HAUS6: variants seen among roughly 807,000 people sequenced by gnomAD.
HAUS6 encodes HAUS augmin-like complex subunit 6.
In HAUS6, 80 loss-of-function variants were observed where a neutral mutation model predicts 106.8. The ratio of observed to expected loss-of-function variants is 0.75; its 90% CI spans 0.63 to 0.90. The LOEUF (loss-of-function observed/expected upper bound fraction) is 0.90. Ranked by LOEUF, HAUS6 falls within the 40% of genes least tolerant of loss-of-function variation. The pLI, the probability that HAUS6 is intolerant of heterozygous loss-of-function variation, is 0.00. For missense variants in HAUS6, 1,155 were observed against 1,118.1 expected (o/e 1.03, Z -0.47); for synonymous variants, 356 against 379.1 (o/e 0.94, Z 0.71).
At chr9:19,097,336 T>C (rs1220848667) in intron 1 of HAUS6, among the ~76,000 whole-genome samples, 4 of 152,136 alleles carry the variant, frequency 2.6e-5, no homozygotes, top group African/African-American at 4.8e-5. Flanking sequence ...GGAGAAAATT[T>C]TGCAACCTAC....
chr9:19,099,927 C>T (rs548245301), intron 1 of HAUS6, among the ~76,000 whole-genome samples: 1 of 152,340 alleles, frequency 6.6e-6, no homozygotes, highest in Non-Finnish European at 1.5e-5. Flanking sequence ...GGTGTGGTGG[C>T]TCAGGCCTAT....
intron 12 of HAUS6, among the ~76,000 whole-genome samples, chr9:19,064,395 G>C (rs1008443315): frequency 6.6e-6 from 1 of 152,140 alleles, no homozygotes; most frequent in Admixed American, 6.5e-5. Flanking sequence ...GTTTTAGTTT[G>C]CCACATTCTG....
intron 1 of HAUS6, among the ~76,000 whole-genome samples, chr9:19,097,265 T>C (rs1287961155): frequency 6.6e-6 from 1 of 152,112 alleles, no homozygotes; most frequent in Admixed American, 6.6e-5. Flanking sequence ...CTAATTAAAC[T>C]AAACAGCTTC....
At chr9:19,085,389 A>G (rs1837265336) in intron 7 of HAUS6, among the ~76,000 whole-genome samples, 1 of 152,210 alleles carries the variant, frequency 6.6e-6, no homozygotes, top group South Asian at 2.1e-4. Flanking sequence ...AATTCCATGA[A>G]GGAAGTGACT....
Position 19,082,997 on chromosome 9 carries a change from T to A in HAUS6, c.746A>T (p.Glu249Val), listed in dbSNP as rs1025122642. The A allele has an allele frequency of 6.3e-7, 1 of 1,591,258 alleles. No individual in the cohort carries two copies. Among genetic ancestry groups the A allele is most frequent in the African/African-American group, 1.4e-5 (1 of 73,528 alleles). ...ASVNETLMFL[E>V]KEREVVSSVL... ...CGAACTAACAACTTCTCTCTCTTTT[T>A]CCAAAAACATGAGCGTTTCATTCAC... The change falls in exon 8 of 17, where the codon GAA becomes GTA. Residue 249 changes from glutamate (E) to valine (V), a missense_variant. Physicochemically the swap from Glu to Val is moderately radical, Grantham distance 121 (BLOSUM62 -2). Coordinates refer to ENST00000380502, the MANE Select transcript of HAUS6 (RefSeq NM_017645.5).
chr9:19,096,371 C>T (rs748074641), intron 2 of HAUS6, among the ~76,000 whole-genome samples: 2 of 151,984 alleles, frequency 1.3e-5, no homozygotes, highest in Non-Finnish European at 2.9e-5. Context: ...TTGAGACCAG[C>T]CTGACCAACA....
intron 8 of HAUS6, among the ~76,000 whole-genome samples, chr9:19,081,706 T>C (rs1837154963): frequency 6.6e-6 from 1 of 152,154 alleles, no homozygotes. Flanking sequence ...CCCAAAGTGT[T>C]GGGATTATAG....
intron 5 of HAUS6, among the ~76,000 whole-genome samples, chr9:19,088,517 T>A (rs1159288674): frequency 6.6e-6 from 1 of 151,908 alleles, no homozygotes; most frequent in Admixed American, 6.6e-5. Context: ...ACACTACAAT[T>A]ACAACTTTAA....
At chr9:19,098,076 C>A (rs889221027) in intron 1 of HAUS6, among the ~76,000 whole-genome samples, 1 of 152,168 alleles carries the variant, frequency 6.6e-6, no homozygotes, top group Non-Finnish European at 1.5e-5. Flanking sequence ...GTACCTTGTT[C>A]TCTTCTCTTT....
At chr9:19,057,585 A>T (rs972947813) in intron 16 of HAUS6, 4 of 217,058 alleles carry the variant, frequency 1.8e-5, no homozygotes, top group African/African-American at 9.1e-5. Flanking sequence ...TTATTTCTAC[A>T]CCCCACCCCC....
intron 15 of HAUS6, among the ~76,000 whole-genome samples, chr9:19,059,289 C>G (rs1281714721): frequency 6.6e-6 from 1 of 152,226 alleles, no homozygotes; most frequent in Non-Finnish European, 1.5e-5. Context: ...CTTTTCTTGT[C>G]CATCTAAGCC....
rs746401959 is a variant in HAUS6 at position 19,063,022 on chromosome 9, G to A, written c.1615C>T (p.His539Tyr). The change falls in exon 14 of 17, where the codon CAT becomes TAT. Residue 539 changes from histidine (H) to tyrosine (Y), a missense_variant. His to Tyr is a moderately conservative substitution (Grantham distance 83). Transcript: ENST00000380502. ...TCTTTTCTCACCTCTTCTACCAGATGATCTTGCTCTTTTTGAAATGGATCA... is the reference window on the plus strand; with the variant it reads ...TCTTTTCTCACCTCTTCTACCAGATAATCTTGCTCTTTTTGAAATGGATCA... ...KSDPFQKEQD[H>Y]LVEEVARAVL... 5.0e-6 allele frequency: 8 copies of A among 1,609,126 alleles called. No homozygotes were observed. The highest frequency in any genetic ancestry group is 6.8e-6 in the Non-Finnish European group (8 of 1,177,560).
chr9:19,093,315 A>T lies in HAUS6; in HGVS notation c.304-12T>A. On this transcript the variant is annotated splice_polypyrimidine_tract_variant and intron_variant, in intron 3 of 16. Coordinates refer to ENST00000380502, the MANE Select transcript of HAUS6 (RefSeq NM_017645.5). ...CTTCCACATTCACCCTATGAAGAAA[A>T]GAAATAAGATGATTTGAAGACCTTG... is the stretch of plus-strand genomic sequence containing the variant. 6.3e-7 allele frequency: 1 copy of T among 1,589,268 alleles called. No individual in the cohort carries two copies. The highest frequency in any genetic ancestry group is 8.6e-7 in the Non-Finnish European group (1 of 1,168,148).
intron 7 of HAUS6, 125 bp downstream of exon 7, chr9:19,086,609 G>T: frequency 2.0e-6 from 1 of 508,002 alleles, no homozygotes; most frequent in South Asian, 2.2e-5. Flanking sequence ...AACAGAGCGA[G>T]ACTCCAACTC....
rs1836457765 is a variant in HAUS6 at position 19,055,903 on chromosome 9, A to G, written c.*440T>C. 1 of 153,678 alleles carries G rather than the reference A, an allele frequency of 6.5e-6. No homozygotes were observed. Among genetic ancestry groups the G allele is most frequent in the African/African-American group, 2.4e-5 (1 of 41,516 alleles). 9.5% of individuals were successfully genotyped at this position (153,678 alleles called of 1,614,324 possible). On this transcript the variant is annotated 3_prime_UTR_variant, in exon 17 of 17. Coordinates refer to ENST00000380502, the MANE Select transcript of HAUS6 (RefSeq NM_017645.5). ...TAGCCAGAATGTTCCATTAAGAAACAATAAAAGTTGTATAGTTCTCTAAGA... is the reference window on the plus strand; with the variant it reads ...TAGCCAGAATGTTCCATTAAGAAACGATAAAAGTTGTATAGTTCTCTAAGA...
chr9:19,102,874 G>T lies in HAUS6; in HGVS notation c.-223C>A. On this transcript the variant is annotated 5_prime_UTR_variant, in exon 1 of 17. Coordinates refer to ENST00000380502, the MANE Select transcript of HAUS6 (RefSeq NM_017645.5). Reference sequence around the variant, plus strand: ...GTGCGGCCACCACTGCCTCAGCGAAGCCACCACAAACCGAGACTCCCGCCC... The same window carrying T: ...GTGCGGCCACCACTGCCTCAGCGAATCCACCACAAACCGAGACTCCCGCCC... The T allele has an allele frequency of 2.4e-6, 1 of 423,350 alleles. No homozygotes were observed. Among genetic ancestry groups the T allele is most frequent in the Non-Finnish European group, 4.2e-6 (1 of 236,744 alleles). 26.2% of individuals were successfully genotyped at this position (423,350 alleles called of 1,614,324 possible).
At chr9:19,066,819 C>T (rs1836768727) in intron 12 of HAUS6, among the ~76,000 whole-genome samples, 1 of 140,364 alleles carries the variant, frequency 7.1e-6, no homozygotes, top group South Asian at 2.3e-4. Flanking sequence ...CATAGTGAGA[C>T]CTCATCTCTA....
At chr9:19,078,112 C>G (rs1837051290) in intron 10 of HAUS6, 64 bp downstream of exon 10, 5 of 1,277,454 alleles carry the variant, frequency 3.9e-6, no homozygotes, top group Non-Finnish European at 2.2e-6. Context: ...GAGCAAGACA[C>G]TGTCTCAAAA....
At chr9:19,099,764 C>A (rs72696494) in intron 1 of HAUS6, among the ~76,000 whole-genome samples, 5,292 of 152,280 alleles carry the variant, frequency 0.035, 115 homozygotes, top group Non-Finnish European at 0.051. Flanking sequence ...TTAAAAGTAA[C>A]TTTGGCAGGG....
Sources: gnomAD v4.1 joint callset for allele counts (sites outside exome capture counted in the v4.1 genomes callset) on GRCh38, gnomAD v4.1.1 for gene constraint, MANE v1.5 for transcripts, NCBI Gene and HGNC (gene_info 2026-07-23, HGNC 2026-07-21) for gene names.